Variants in ITPR1 observed in about 807,000 individuals in gnomAD.
The protein encoded by ITPR1 is inositol 1,4,5-trisphosphate receptor type 1, also known as inositol 1,4,5-trisphosphate-gated calcium channel ITPR1.
ITPR1 carries 96 observed loss-of-function variants against 318.4 expected under a neutral mutation model. That is an observed-to-expected ratio of 0.30 (90% CI 0.26 to 0.36). The LOEUF (loss-of-function observed/expected upper bound fraction) is 0.36, where lower values mean the gene tolerates loss of function less well. Among genes scored for constraint, ITPR1 ranks in the 10% least tolerant of loss-of-function variants. ITPR1 has a pLI of 1.00. For missense variants in ITPR1, 2,440 were observed against 3,460.2 expected, an observed-to-expected ratio of 0.71 and a Z score of 7.40; for synonymous variants, 1,312 against 1,289.9, an observed-to-expected ratio of 1.02 and a Z score of -0.37.
intron 54 of ITPR1, among the ~76,000 whole-genome samples, chr3:4,803,279 G>T (rs984528572): frequency 6.6e-6 from 1 of 151,774 alleles, no homozygotes; most frequent in African/African-American, 2.4e-5. Context: ...TAACAGATTT[G>T]GGGGGGACAC....
rs543318545 is a variant in ITPR1 at position 4,644,912 on chromosome 3, T to C, written c.625-475T>C. ...GGTGTTGCCAAGAATTAAAGGAGAT[T>C]GTGCGTGTTAGCACCTAAACCTAGT... On this transcript the variant is annotated intron_variant, in intron 8 of 61. Transcript: ENST00000649015. 2.4e-4 allele frequency among the ~76,000 whole-genome samples: 36 copies of C among 152,322 alleles called. 1 individual carries two copies. Among genetic ancestry groups the C allele is most frequent in the Admixed American group, 2.0e-3 (31 of 15,308 alleles).
intron 4 of ITPR1, among the ~76,000 whole-genome samples, chr3:4,535,663 T>G (rs1417875270): frequency 6.6e-6 from 1 of 151,926 alleles, no homozygotes; most frequent in Non-Finnish European, 1.5e-5. Flanking sequence ...GCCAGGATGG[T>G]CTCAATCTCC....
In ITPR1 at chr3:4,691,329, C is replaced by T; in HGVS notation, c.4014C>T (p.Asp1338=). The T allele has an allele frequency of 1.2e-6, 2 of 1,610,364 alleles. No homozygotes were observed. Residue 1338 remains aspartate, a synonymous_variant, in exon 32 of 62, where the codon GAC becomes GAT. Transcript: ENST00000649015. The part of the protein sequence containing the change: ...AEGKFIKKCQ[D]MVMAELVNSG... ...GGAAATTTATTAAAAAATGCCAAGACATGGTTATGGCCGAGGTGATTGTTA... is the reference window on the plus strand; with the variant it reads ...GGAAATTTATTAAAAAATGCCAAGATATGGTTATGGCCGAGGTGATTGTTA...
intron 34 of ITPR1, 119 bp downstream of exon 34, chr3:4,697,391 A>C: frequency 1.1e-6 from 1 of 935,128 alleles, no homozygotes; most frequent in East Asian, 2.8e-5. Flanking sequence ...CAGCTGCATC[A>C]TTTCTACTCT....
intron 39 of ITPR1, among the ~76,000 whole-genome samples, chr3:4,714,525 A>T (rs2041623693): frequency 6.6e-6 from 1 of 152,130 alleles, no homozygotes; most frequent in African/African-American, 2.4e-5. Flanking sequence ...TGGGGCTAAG[A>T]GCTGAGAGAC....
At position 4,673,129 on chromosome 3, in the gene ITPR1, CCT is replaced by C; in HGVS notation, c.2205-4_2205-3del. ...CGTGAGCTGTGTGCCCTTGTTCCTT[CCT>C]CTAGATATCAGCTGAACCTCTTTGC... On this transcript the variant is annotated splice_polypyrimidine_tract_variant and splice_region_variant and intron_variant, in intron 20 of 61. Coordinates refer to ENST00000649015, the MANE Select transcript of ITPR1 (RefSeq NM_001378452.1). 6.2e-7 allele frequency: 1 copy of C among 1,611,108 alleles called. No individual in the cohort carries two copies. The highest frequency in any genetic ancestry group is 1.7e-4 in the Middle Eastern group (1 of 6,040).
At chr3:4,652,254 C>G in intron 11 of ITPR1, 36 bp downstream of exon 11, 1 of 1,408,968 alleles carries the variant, frequency 7.1e-7, no homozygotes, top group Non-Finnish European at 9.9e-7. Context: ...TCTTTCAAGG[C>G]TGACGCACCT....
At chr3:4,838,384 T>G (rs147167032) in intron 61 of ITPR1, among the ~76,000 whole-genome samples, 1,785 of 148,968 alleles carry the variant, frequency 0.012, 35 homozygotes, top group African/African-American at 0.041. Flanking sequence ...GCAGGACTCA[T>G]GAGGACATTG....
chr3:4,785,838 G>A (rs1229384364), intron 51 of ITPR1, among the ~76,000 whole-genome samples: 1 of 152,206 alleles, frequency 6.6e-6, no homozygotes, highest in African/African-American at 2.4e-5. Context: ...AAACTACTGA[G>A]GAAGAGTTAC....
chr3:4,709,647 G>T (rs1443034201), intron 37 of ITPR1, among the ~76,000 whole-genome samples: 1 of 152,124 alleles, frequency 6.6e-6, no homozygotes. Context: ...TTGTTGTGTT[G>T]GTTTTGCTGC....
At chr3:4,806,774 C>T (rs2048581545) in intron 55 of ITPR1, among the ~76,000 whole-genome samples, 1 of 152,100 alleles carries the variant, frequency 6.6e-6, no homozygotes, top group Admixed American at 6.5e-5. Flanking sequence ...AGCTCATTTT[C>T]CTCCGATATG....
intron 4 of ITPR1, among the ~76,000 whole-genome samples, chr3:4,524,505 CAT>C (rs962656612): frequency 6.6e-6 from 1 of 152,070 alleles, no homozygotes; most frequent in Non-Finnish European, 1.5e-5. Flanking sequence ...TTAACAAACA[CAT>C]ATGGAAAAGT....
At chr3:4,666,567 A>C (rs561237852) in intron 17 of ITPR1, among the ~76,000 whole-genome samples, 1 of 152,312 alleles carries the variant, frequency 6.6e-6, no homozygotes, top group Admixed American at 6.5e-5. Context: ...ATAAGTTCCT[A>C]CACAATGCCT....
At chr3:4,568,486 A>T (rs928769206) in intron 4 of ITPR1, among the ~76,000 whole-genome samples, 1 of 152,186 alleles carries the variant, frequency 6.6e-6, no homozygotes. Context: ...TGAAGAACTA[A>T]TTGACAGTGT....
At chr3:4,687,117 T>C (rs1366996025) in intron 30 of ITPR1, among the ~76,000 whole-genome samples, 1 of 152,264 alleles carries the variant, frequency 6.6e-6, no homozygotes, top group Admixed American at 6.5e-5. Context: ...GGGCCGAATC[T>C]AATCCACCAC....
chr3:4,664,369 C>A (rs903488957), intron 16 of ITPR1, among the ~76,000 whole-genome samples: 1 of 152,206 alleles, frequency 6.6e-6, no homozygotes, highest in East Asian at 1.9e-4. Context: ...CCTTCTGTAA[C>A]CCAACTGGAG....
chr3:4,725,981 A>G (rs1346111090), intron 41 of ITPR1, among the ~76,000 whole-genome samples: 1 of 152,354 alleles, frequency 6.6e-6, no homozygotes, highest in East Asian at 1.9e-4. Context: ...GAATATTTAT[A>G]ATTGTAGAAA....
intron 6 of ITPR1, among the ~76,000 whole-genome samples, chr3:4,641,888 T>TATCA (rs2093347193): frequency 2.6e-5 from 4 of 152,244 alleles, no homozygotes; most frequent in Admixed American, 2.6e-4. Flanking sequence ...ATAGTTTTTC[T>TATCA]TGTATTCTGC....
intron 4 of ITPR1, among the ~76,000 whole-genome samples, chr3:4,546,602 G>A (rs1239052919): frequency 2.3e-4 from 35 of 152,140 alleles, no homozygotes; most frequent in African/African-American, 2.2e-4. Flanking sequence ...ACAGAAGTCC[G>A]CAAGCAGTAG....
Sources: allele counts gnomAD v4.1 joint callset (sites outside exome capture counted in the v4.1 genomes callset), GRCh38; gene constraint gnomAD v4.1.1; transcripts MANE v1.5; gene names NCBI Gene and HGNC (gene_info 2026-07-23, HGNC 2026-07-21).